SRGAP3: variants seen among roughly 807,000 people sequenced by gnomAD.
SRGAP3 encodes SLIT-ROBO Rho GTPase activating protein 3.
In SRGAP3, 39 loss-of-function variants were observed where a neutral mutation model predicts 121.1. The ratio of observed to expected loss-of-function variants is 0.32; its 90% CI spans 0.25 to 0.42. The LOEUF is 0.42. SRGAP3 is among the 10% of genes least tolerant of loss of function. The probability of loss-of-function intolerance (pLI) is 1.00; values close to 1 mark genes in which losing one functional copy is unlikely to be tolerated. For synonymous variants in SRGAP3, 601 were observed against 570.0 expected (o/e 1.05, Z -0.77); for missense variants, 1,213 against 1,470.6 (o/e 0.82, Z 2.86).
At position 9,045,600 on chromosome 3, in the gene SRGAP3, C is replaced by T. The variant is rs115877538; in HGVS notation, c.1408+1791G>A. Among the ~76,000 whole-genome samples, 507 of 152,086 alleles carry T rather than the reference C, an allele frequency of 3.3e-3. 1 individual carries two copies. The highest frequency in any genetic ancestry group is 7.3e-3 in the South Asian group (35 of 4,794). The stretch of plus-strand genomic sequence containing the variant: ...GTTGGGAACACAAAGCAAGCCCCCC[C>T]GGAGAATGGCGGCAATGAAAGCTGC... On this transcript the variant is annotated intron_variant, in intron 10 of 21. Transcript: ENST00000383836.
intron 1 of SRGAP3, among the ~76,000 whole-genome samples, chr3:9,186,794 A>G (rs1391539437): frequency 6.6e-6 from 1 of 152,198 alleles, no homozygotes; most frequent in African/African-American, 2.4e-5. Context: ...GAGTCCACCA[A>G]TCAATAAGCT....
intron 1 of SRGAP3, among the ~76,000 whole-genome samples, chr3:9,156,702 TTG>T (rs1015614681): frequency 6.6e-6 from 1 of 152,176 alleles, no homozygotes; most frequent in Non-Finnish European, 1.5e-5. Context: ...TCATTTGGTC[TTG>T]TCACTAAAGC....
chr3:9,007,494 C>A (rs1943138287), intron 18 of SRGAP3: 1 of 152,150 alleles, frequency 6.6e-6, no homozygotes, highest in African/African-American at 2.4e-5. Context: ...TAAGAGGAAA[C>A]AGGTAAACAA....
chr3:9,357,454 A>G (rs930546799), intron 1 of SRGAP3, among the ~76,000 whole-genome samples: 1 of 151,942 alleles, frequency 6.6e-6, no homozygotes, highest in Non-Finnish European at 1.5e-5. Flanking sequence ...CATGCATCTG[A>G]TGGTCTTAAA....
chr3:9,192,400 G>A (rs1012760496), intron 1 of SRGAP3: 1 of 152,236 alleles, frequency 6.6e-6, no homozygotes, highest in African/African-American at 2.4e-5. Flanking sequence ...GTTGCATAGA[G>A]ACTGAGTAGC....
At chr3:9,219,780 G>A (rs1952746636) in intron 1 of SRGAP3, among the ~76,000 whole-genome samples, 1 of 152,136 alleles carries the variant, frequency 6.6e-6, no homozygotes, top group African/African-American at 2.4e-5. Flanking sequence ...GAACCCGGGA[G>A]GTGGAGCTTG....
In SRGAP3 at chr3:9,339,223, T is replaced by C. The variant is rs1434746709; in HGVS notation, n.215-8627A>G. 3.3e-5 allele frequency among the ~76,000 whole-genome samples: 5 copies of C among 152,230 alleles called. No individual in the cohort carries two copies. The East Asian group carries it at 5.8e-4, about 18-fold the overall frequency. ...CAAAAATGTGATAAAAAATACCTTA[T>C]TCATTTGTTTATGCATTCATACATA... On this transcript the variant is annotated intron_variant and non_coding_transcript_variant, in intron 1 of 3. Transcript: ENST00000490889.
rs373916593 is a variant in SRGAP3, at chr3:9,157,728, A to G, written c.68-32811T>C. On this transcript the variant is annotated intron_variant, in intron 1 of 21. Coordinates refer to ENST00000383836, the MANE Select transcript of SRGAP3 (RefSeq NM_014850.4). ...CTGGGGGATACCAGGAATTAAAGAG[A>G]ATCCTAAGAGGAAAATGAAACCCAG... 2.0e-3 allele frequency among the ~76,000 whole-genome samples: 298 copies of G among 152,310 alleles called. 1 individual carries two copies. The highest frequency in any genetic ancestry group is 5.3e-3 in the African/African-American group (222 of 41,568).
At chr3:9,309,131 C>A (rs1955202780) in intron 3 of SRGAP3, among the ~76,000 whole-genome samples, 1 of 152,198 alleles carries the variant, frequency 6.6e-6, no homozygotes, top group Non-Finnish European at 1.5e-5. Context: ...TGTGTAAGAC[C>A]AGGCAAGACA....
chr3:9,065,405 T>A (rs1369960290), intron 4 of SRGAP3: 1 of 152,208 alleles, frequency 6.6e-6, no homozygotes, highest in African/African-American at 2.4e-5. Flanking sequence ...AGTGCAGAGA[T>A]GCCAGACTTT....
At chr3:9,207,807 T>C (rs1952316026) in intron 1 of SRGAP3, among the ~76,000 whole-genome samples, 1 of 152,186 alleles carries the variant, frequency 6.6e-6, no homozygotes, top group African/African-American at 2.4e-5. Flanking sequence ...CTGAGAGCTA[T>C]CATCTCACAG....
At chr3:9,184,156 C>T (rs368495263) in intron 1 of SRGAP3, among the ~76,000 whole-genome samples, 20 of 152,294 alleles carry the variant, frequency 1.3e-4, no homozygotes, top group Admixed American at 7.8e-4. Flanking sequence ...CCCACACCCT[C>T]GACTTCCTCC....
At chr3:9,019,081 T>C (rs1051405516) in intron 14 of SRGAP3, among the ~76,000 whole-genome samples, 1 of 152,226 alleles carries the variant, frequency 6.6e-6, no homozygotes, top group South Asian at 2.1e-4. Context: ...CTCTACTTCA[T>C]GGACAGACCG....
intron 1 of SRGAP3, among the ~76,000 whole-genome samples, chr3:9,344,461 A>G (rs1235858880): frequency 6.6e-6 from 1 of 152,064 alleles, no homozygotes; most frequent in African/African-American, 2.4e-5. Flanking sequence ...AAAAAAAACC[A>G]AAAATAAAAA....
rs112217307 is a variant in SRGAP3 at position 9,089,150 on chromosome 3, A to C, written c.424-9063T>G. Among the ~76,000 whole-genome samples, 6 of 152,060 alleles carry C rather than the reference A, an allele frequency of 3.9e-5. 1 individual carries two copies. Among genetic ancestry groups the C allele is most frequent in the African/African-American group, 1.4e-4 (6 of 41,480 alleles). On this transcript the variant is annotated intron_variant, in intron 3 of 21. Coordinates refer to ENST00000383836, the MANE Select transcript of SRGAP3 (RefSeq NM_014850.4). ...ACGGTCCCTGCTCTCAAGCCTCCCA[A>C]AGTGCTGGGATTACAGGTATGAGTC...
intron 3 of SRGAP3, among the ~76,000 whole-genome samples, chr3:9,325,222 T>C (rs1394849278): frequency 2.0e-5 from 3 of 151,830 alleles, no homozygotes; most frequent in South Asian, 4.1e-4. Flanking sequence ...AAGGAGGCTA[T>C]TGTTATGACT....
intron 14 of SRGAP3, among the ~76,000 whole-genome samples, chr3:9,017,486 T>C (rs1463652158): frequency 2.0e-5 from 3 of 152,134 alleles, no homozygotes; most frequent in Non-Finnish European, 4.4e-5. Flanking sequence ...TTTGTTTATG[T>C]TATTGTTTAG....
intron 1 of SRGAP3, among the ~76,000 whole-genome samples, chr3:9,131,432 TC>T (rs145063980): frequency 1.8e-4 from 22 of 125,396 alleles, no homozygotes; most frequent in African/African-American, 5.5e-4. Context: ...AAGATCTAAT[TC>T]TTTTTTTTTT....
chr3:9,282,888 G>C (rs1486264898), intron 3 of SRGAP3, among the ~76,000 whole-genome samples: 2 of 152,142 alleles, frequency 1.3e-5, no homozygotes, highest in Non-Finnish European at 2.9e-5. Flanking sequence ...TCAGATAATT[G>C]TGAATTTTCT....
Sources: gnomAD v4.1 joint callset for allele counts (sites outside exome capture counted in the v4.1 genomes callset) on GRCh38, gnomAD v4.1.1 for gene constraint, MANE v1.5 for transcripts, NCBI Gene and HGNC (gene_info 2026-07-23, HGNC 2026-07-21) for gene names.